The following SMYD3 variants were observed in gnomAD, a reference collection of about 807,000 sequenced individuals.
The protein encoded by SMYD3 is histone-lysine N-methyltransferase SMYD3.
SMYD3 carries 36 observed loss-of-function variants against 57.7 expected under a neutral mutation model. That is an observed-to-expected ratio of 0.62 (90% confidence interval 0.48 to 0.82). The LOEUF is 0.82. SMYD3 is among the 40% of genes least tolerant of loss of function. The pLI is 0.00. For synonymous variants in SMYD3, 211 were observed against 195.0 expected (o/e 1.08, Z -0.68); for missense variants, 515 against 538.8 (o/e 0.96, Z 0.44).
In SMYD3 at chr1:246,335,360, T is replaced by A. The variant is rs376895373; in HGVS notation, c.336+7A>T. 1 of 1,612,708 alleles carries A rather than the reference T, an allele frequency of 6.2e-7. No homozygotes were observed. ...ACCCAGCTATATTTCATGAGTTTTA[T>A]ACTCACAAGTTTGAAGACAACTCTG... On this transcript the variant is annotated splice_region_variant and intron_variant, in intron 3 of 11. Transcript: ENST00000490107.
At chr1:245,945,545 T>C (rs1209910365) in intron 5 of SMYD3, among the ~76,000 whole-genome samples, 1 of 152,222 alleles carries the variant, frequency 6.6e-6, no homozygotes, top group African/African-American at 2.4e-5. Flanking sequence ...TCAATCATTG[T>C]GCAAGAGTGT....
At chr1:246,498,292 T>C (rs1021313601) in intron 1 of SMYD3, among the ~76,000 whole-genome samples, 1 of 152,114 alleles carries the variant, frequency 6.6e-6, no homozygotes, top group African/African-American at 2.4e-5. Flanking sequence ...TATCCACACA[T>C]AGGAAATTAG....
intron 11 of SMYD3, among the ~76,000 whole-genome samples, chr1:245,751,948 A>C (rs975312625): frequency 5.9e-5 from 9 of 152,216 alleles, no homozygotes; most frequent in African/African-American, 2.2e-4. Context: ...CCTGGGCAGA[A>C]GATTAAAAAC....
chr1:245,889,586 A>G (rs2053268512), intron 8 of SMYD3, among the ~76,000 whole-genome samples: 1 of 152,206 alleles, frequency 6.6e-6, no homozygotes, highest in South Asian at 2.1e-4. Context: ...TCTCTGTCCC[A>G]AGGCATTTTA....
chr1:246,169,392 A>AAC, intron 5 of SMYD3, among the ~76,000 whole-genome samples: 1 of 150,364 alleles, frequency 6.7e-6, no homozygotes, highest in Non-Finnish European at 1.5e-5. Context: ...AAAAAAAAAA[A>AAC]AAAAAAAAAA....
At chr1:245,951,018 T>G (rs111847633) in intron 5 of SMYD3, among the ~76,000 whole-genome samples, 5 of 152,228 alleles carry the variant, frequency 3.3e-5, no homozygotes, top group Admixed American at 2.6e-4. Context: ...GGCTATTTGT[T>G]ATTGAGAGCA....
intron 10 of SMYD3, among the ~76,000 whole-genome samples, chr1:245,810,554 G>T (rs2817479): frequency 0.56 from 85,442 of 152,018 alleles, 25,074 homozygotes; most frequent in African/African-American, 0.73. Flanking sequence ...CTGCAGCCAC[G>T]GAGTTGAAGG....
At chr1:246,223,191 A>G (rs1317569835) in intron 5 of SMYD3, among the ~76,000 whole-genome samples, 1 of 152,100 alleles carries the variant, frequency 6.6e-6, no homozygotes. Context: ...GGGTGAGGAG[A>G]AAAGTGGTCA....
intron 10 of SMYD3, among the ~76,000 whole-genome samples, chr1:245,783,080 A>G (rs1043018462): frequency 6.6e-6 from 1 of 152,206 alleles, no homozygotes; most frequent in African/African-American, 2.4e-5. Flanking sequence ...TATTCCATAT[A>G]CAGACTTTAA....
rs149169258 is a variant in SMYD3 at position 246,447,037 on chromosome 1, A to T, written c.164+60017T>A. 5.9e-3 allele frequency among the ~76,000 whole-genome samples: 902 copies of T among 152,250 alleles called. 5 individuals are homozygous for T. Among genetic ancestry groups the T allele is most frequent in the Admixed American group, 0.012 (183 of 15,294 alleles). Reference sequence around the variant, plus strand: ...GAGCCAGACTCCGTCTCCAAAAAAAAAAAAAAAAAATGGCATCCTATCTAA... The same window carrying T: ...GAGCCAGACTCCGTCTCCAAAAAAATAAAAAAAAAATGGCATCCTATCTAA... On this transcript the variant is annotated intron_variant, in intron 1 of 11. Transcript: ENST00000490107.
intron 5 of SMYD3, among the ~76,000 whole-genome samples, chr1:245,941,895 G>A (rs971578436): frequency 1.3e-5 from 2 of 152,168 alleles, no homozygotes; most frequent in African/African-American, 4.8e-5. Context: ...ATAAGTGAAG[G>A]AGAAATAAAA....
At chr1:246,152,143 A>T (rs189194606) in intron 5 of SMYD3, among the ~76,000 whole-genome samples, 62 of 152,340 alleles carry the variant, frequency 4.1e-4, no homozygotes, top group Middle Eastern at 3.4e-3. Context: ...GGAGCAGAAA[A>T]CAAACATGAA....
At chr1:246,434,679 C>T (rs1025771590) in intron 1 of SMYD3, among the ~76,000 whole-genome samples, 1 of 152,142 alleles carries the variant, frequency 6.6e-6, no homozygotes. Flanking sequence ...GAAAAGGGAA[C>T]GTTTATCCAC....
At chr1:245,862,833 GC>G (rs772820581) in intron 9 of SMYD3, among the ~76,000 whole-genome samples, 3 of 152,172 alleles carry the variant, frequency 2.0e-5, no homozygotes, top group Non-Finnish European at 4.4e-5. Context: ...GAGAAACCAG[GC>G]AGCACTGTGA....
chr1:245,978,522 C>T (rs12025149), intron 5 of SMYD3, among the ~76,000 whole-genome samples: 19,436 of 151,994 alleles, frequency 0.13, 1,322 homozygotes, highest in South Asian at 0.21. Context: ...TTCTACTTCA[C>T]GAGTGGGTAG....
chr1:246,261,363 G>GT (rs201917375), intron 5 of SMYD3, among the ~76,000 whole-genome samples: 8,937 of 142,022 alleles, frequency 0.063, 405 homozygotes, highest in African/African-American at 0.13. Flanking sequence ...AGCTCTCTTT[G>GT]TTTTTTTTTT....
intron 7 of SMYD3, among the ~76,000 whole-genome samples, chr1:245,918,595 C>G (rs955947151): frequency 2.0e-5 from 3 of 152,176 alleles, no homozygotes; most frequent in Admixed American, 2.0e-4. Flanking sequence ...GCAAGTTCCT[C>G]TTGTTTCTAA....
At chr1:246,381,694 G>C (rs918641487) in intron 1 of SMYD3, among the ~76,000 whole-genome samples, 4 of 152,172 alleles carry the variant, frequency 2.6e-5, no homozygotes, top group Admixed American at 6.5e-5. Context: ...GTTTGCTAAA[G>C]AAACAAATGT....
chr1:246,177,733 T>C (rs559288459), intron 5 of SMYD3, among the ~76,000 whole-genome samples: 20 of 152,256 alleles, frequency 1.3e-4, no homozygotes, highest in Non-Finnish European at 2.8e-4. Flanking sequence ...ATGGAAGACA[T>C]AAGCAAAACA....
Sources: allele counts gnomAD v4.1 joint callset (sites outside exome capture counted in the v4.1 genomes callset), GRCh38; gene constraint gnomAD v4.1.1; transcripts MANE v1.5; gene names NCBI Gene and HGNC (gene_info 2026-07-23, HGNC 2026-07-21).